Variants in UNC5D observed in about 807,000 individuals in gnomAD.
The protein encoded by UNC5D is unc-5 netrin receptor D.
UNC5D carries 39 observed loss-of-function variants against 105.4 expected under a neutral mutation model. The ratio of observed to expected loss-of-function variants is 0.37; its 90% CI spans 0.29 to 0.48. UNC5D has a LOEUF of 0.48. UNC5D is among the 20% of genes least tolerant of loss of function. UNC5D has a pLI of 0.98. For synonymous variants in UNC5D, 452 were observed against 450.4 expected, an observed-to-expected ratio of 1.00 and a Z score of -0.04; for missense variants, 991 against 1,202.4, an observed-to-expected ratio of 0.82 and a Z score of 2.60.
chr8:35,790,530 C>T lies in UNC5D; in HGVS notation c.2829C>T (p.Ala943=), dbSNP rs1197380277. 7.4e-6 allele frequency: 12 copies of T among 1,613,754 alleles called. No individual in the cohort carries two copies. The highest frequency in any genetic ancestry group is 2.2e-5 in the South Asian group (2 of 91,080). The change falls in exon 17 of 17, where the codon GCC becomes GCT. Residue 943 remains alanine, a synonymous_variant. Coordinates refer to ENST00000404895, the MANE Select transcript of UNC5D (RefSeq NM_080872.4). ...TTTCAGAATCCCAGCTTGATGAAGC[C>T]GACTTCAACTACAGCAGGCAAAATG... ...SNISESQLDE[A]DFNYSRQNGL is the part of the protein sequence containing the mutation.
intron 13 of UNC5D, among the ~76,000 whole-genome samples, chr8:35,757,851 C>T (rs982310810): frequency 2.0e-5 from 3 of 152,212 alleles, no homozygotes; most frequent in Non-Finnish European, 4.4e-5. Flanking sequence ...CATGTTATCA[C>T]GTTCAACTCT....
intron 4 of UNC5D, among the ~76,000 whole-genome samples, chr8:35,647,327 A>G (rs1452899609): frequency 1.3e-5 from 2 of 151,866 alleles, no homozygotes; most frequent in Non-Finnish European, 2.9e-5. Context: ...TCTTTAGGCT[A>G]TGGTACATTT....
chr8:35,527,439 A>G (rs6988474), intron 1 of UNC5D, among the ~76,000 whole-genome samples: 23,602 of 152,062 alleles, frequency 0.16, 2,332 homozygotes, highest in East Asian at 0.27. Flanking sequence ...GTACTGGAAG[A>G]TTCTGTGTCT....
intron 2 of UNC5D, among the ~76,000 whole-genome samples, chr8:35,552,304 A>T (rs1446495298): frequency 6.6e-6 from 1 of 151,354 alleles, no homozygotes; most frequent in African/African-American, 2.4e-5. Context: ...AAGGACCCAG[A>T]TCTCCCGATT....
intron 3 of UNC5D, among the ~76,000 whole-genome samples, chr8:35,580,774 A>G (rs2130840629): frequency 1.3e-5 from 2 of 152,284 alleles, no homozygotes; most frequent in Middle Eastern, 6.8e-3. Flanking sequence ...GAGAGGAGAA[A>G]GCAGAGATGA....
intron 4 of UNC5D, among the ~76,000 whole-genome samples, chr8:35,671,976 G>A (rs1378769664): frequency 2.6e-5 from 4 of 152,026 alleles, no homozygotes; most frequent in Non-Finnish European, 4.4e-5. Context: ...TGTGGAATCC[G>A]AGCTCATCCA....
chr8:35,489,775 A>G (rs1563467055), intron 1 of UNC5D, among the ~76,000 whole-genome samples: 1 of 152,254 alleles, frequency 6.6e-6, no homozygotes, highest in Non-Finnish European at 1.5e-5. Flanking sequence ...GTCTACTTCT[A>G]CAAAACATGT....
chr8:35,746,842 A>G (rs1830032249), intron 11 of UNC5D, among the ~76,000 whole-genome samples: 1 of 152,182 alleles, frequency 6.6e-6, no homozygotes, highest in Non-Finnish European at 1.5e-5. Flanking sequence ...TGCAGGCGGT[A>G]ATTACATGAA....
chr8:35,363,426 C>T (rs1017897280), intron 1 of UNC5D, among the ~76,000 whole-genome samples: 1 of 152,140 alleles, frequency 6.6e-6, no homozygotes, highest in African/African-American at 2.4e-5. Flanking sequence ...CTGGGTCCCT[C>T]CCATAACACA....
At chr8:35,381,882 T>A (rs1342269186) in intron 1 of UNC5D, among the ~76,000 whole-genome samples, 1 of 152,224 alleles carries the variant, frequency 6.6e-6, no homozygotes. Flanking sequence ...GTCACAGATT[T>A]CTGTTGCTTT....
At chr8:35,713,459 T>C (rs1365959622) in intron 8 of UNC5D, among the ~76,000 whole-genome samples, 1 of 152,208 alleles carries the variant, frequency 6.6e-6, no homozygotes, top group East Asian at 1.9e-4. Flanking sequence ...AGCATAGTTC[T>C]TTTACAGTTC....
intron 1 of UNC5D, among the ~76,000 whole-genome samples, chr8:35,366,156 A>T (rs1303943281): frequency 6.6e-6 from 1 of 152,076 alleles, no homozygotes; most frequent in African/African-American, 2.4e-5. Context: ...TTGGAATTAA[A>T]CCCCATTTAA....
intron 1 of UNC5D, among the ~76,000 whole-genome samples, chr8:35,278,272 C>T (rs1384882818): frequency 6.6e-6 from 1 of 152,182 alleles, no homozygotes; most frequent in Admixed American, 6.5e-5. Flanking sequence ...GCAGCCCTGA[C>T]ACTGTTACCT....
chr8:35,650,701 A>T (rs1823352206), intron 4 of UNC5D, among the ~76,000 whole-genome samples: 1 of 151,830 alleles, frequency 6.6e-6, no homozygotes, highest in Admixed American at 6.6e-5. Flanking sequence ...CAAACTTCTG[A>T]CCTCAGGTGA....
intron 4 of UNC5D, among the ~76,000 whole-genome samples, chr8:35,599,270 G>C (rs183541151): frequency 1.3e-5 from 2 of 151,708 alleles, no homozygotes; most frequent in African/African-American, 4.8e-5. Context: ...ATTTTGGTTA[G>C]AGAGGACTAT....
At chr8:35,329,396 G>T (rs1457186095) in intron 1 of UNC5D, among the ~76,000 whole-genome samples, 1 of 56,626 alleles carries the variant, frequency 1.8e-5, no homozygotes, top group African/African-American at 4.7e-5. Flanking sequence ...TTTTTTATTG[G>T]GTTGATATAT....
At chr8:35,573,970 A>G (rs771718063) in intron 3 of UNC5D, among the ~76,000 whole-genome samples, 15 of 152,320 alleles carry the variant, frequency 9.8e-5, no homozygotes, top group Non-Finnish European at 1.8e-4. Flanking sequence ...GCAGAAGTCT[A>G]TCTCTAGGGA....
rs370096954 is a variant in UNC5D, at chr8:35,663,246, G to A, written c.571-20301G>A. 2.8e-4 allele frequency among the ~76,000 whole-genome samples: 42 copies of A among 152,180 alleles called. 1 individual carries two copies. The highest frequency in any genetic ancestry group is 9.7e-4 in the African/African-American group (40 of 41,432). ...TACTGCTGAGAGCAGAGGACAAACA[G>A]TCAACACATTCCTATTCTTTAGGTG... On this transcript the variant is annotated intron_variant, in intron 4 of 16. Transcript: ENST00000404895.
chr8:35,449,862 T>C (rs114211851), intron 1 of UNC5D, among the ~76,000 whole-genome samples: 1,618 of 152,250 alleles, frequency 0.011, 33 homozygotes, highest in African/African-American at 0.036. Context: ...TGCCGCCTTC[T>C]AGTCTTTGGC....
Sources: gnomAD v4.1 joint callset for allele counts (sites outside exome capture counted in the v4.1 genomes callset) on GRCh38, gnomAD v4.1.1 for gene constraint, MANE v1.5 for transcripts, NCBI Gene and HGNC (gene_info 2026-07-23, HGNC 2026-07-21) for gene names.